Variants in ASPG observed in about 807,000 individuals in gnomAD.
ASPG encodes the protein asparaginase, also known as 60 kDa lysophospholipase.
A neutral mutation model predicts 63.2 loss-of-function variants in ASPG; 53 were observed. That is an observed-to-expected ratio of 0.84 (90% confidence interval 0.67 to 1.05). ASPG has a LOEUF of 1.05. Ranked by LOEUF, ASPG falls within the 50% of genes least tolerant of loss-of-function variation. ASPG has a pLI of 0.00. For missense variants in ASPG, 741 were observed against 794.4 expected, an observed-to-expected ratio of 0.93 and a Z score of 0.81; for synonymous variants, 370 against 355.0, an observed-to-expected ratio of 1.04 and a Z score of -0.48.
chr14:104,103,780 C>T (rs949613888), intron 7 of ASPG, 105 bp downstream of exon 7: 3 of 871,608 alleles, frequency 3.4e-6, no homozygotes, highest in African/African-American at 1.7e-5. Context: ...CAGTGCAGAC[C>T]CCGCGTGGAC....
chr14:104,097,815 A>G (rs990209153), intron 5 of ASPG, among the ~76,000 whole-genome samples, 178 bp downstream of exon 5: 3 of 151,116 alleles, frequency 2.0e-5, no homozygotes, highest in Admixed American at 1.3e-4. Flanking sequence ...TGGAAGTTCT[A>G]CGTTAGAGAT....
rs190223289 is a variant in ASPG, at chr14:104,102,600, C to G, written c.641-963C>G. Reference sequence around the variant, plus strand: ...CAGTGTGGTGGGAGTCCCCAGTGTCCAGCCCTGCTCTGCTGGAGGCTGCCA... The same window carrying G: ...CAGTGTGGTGGGAGTCCCCAGTGTCGAGCCCTGCTCTGCTGGAGGCTGCCA... On this transcript the variant is annotated intron_variant, in intron 6 of 15. Transcript: ENST00000551177. Among the ~76,000 whole-genome samples the G allele has an allele frequency of 2.5e-3, 384 of 152,336 alleles. 2 individuals are homozygous for G. Among genetic ancestry groups the G allele is most frequent in the African/African-American group, 9.0e-3 (375 of 41,588 alleles).
At chr14:104,106,995 C>CTAAG in intron 11 of ASPG, 101 bp downstream of exon 11, 1 of 1,344,488 alleles carries the variant, frequency 7.4e-7, no homozygotes, top group South Asian at 1.4e-5. Context: ...ACTGACCACA[C>CTAAG]TAAGCCCTTG....
In ASPG at chr14:104,091,454, C is replaced by T. The variant is rs1251017191; in HGVS notation, c.83-1179C>T. Among the ~76,000 whole-genome samples the T allele has an allele frequency of 6.6e-6, 1 of 152,162 alleles. No individual in the cohort carries two copies. Among genetic ancestry groups the T allele is most frequent in the Non-Finnish European group, 1.5e-5 (1 of 68,032 alleles). On this transcript the variant is annotated intron_variant, in intron 1 of 15. Coordinates refer to ENST00000551177, the MANE Select transcript of ASPG (RefSeq NM_001080464.3). This position sits in a 1 kb window ranked among gnomAD's most constrained non-coding sequence, Gnocchi z 6.4. Reference sequence around the variant, plus strand: ...GGTGATTTTGTCAGCGGCTGCACCTCAGCCGGCCTGCATCTTCCAGTCCTC... The same window carrying T: ...GGTGATTTTGTCAGCGGCTGCACCTTAGCCGGCCTGCATCTTCCAGTCCTC...
Position 104,085,719 on chromosome 14 carries a change from C to T in ASPG, c.-52C>T. ...CCGCGCAGTCCCTGAGTCCCGCAGGCCCTGCGTCCCCGCTGCACACCCCCG... is the reference window on the plus strand; with the variant it reads ...CCGCGCAGTCCCTGAGTCCCGCAGGTCCTGCGTCCCCGCTGCACACCCCCG... On this transcript the variant is annotated 5_prime_UTR_variant, in exon 1 of 16. Coordinates refer to ENST00000551177, the MANE Select transcript of ASPG (RefSeq NM_001080464.3). 2.1e-6 allele frequency: 3 copies of T among 1,454,464 alleles called. No homozygotes were observed. The South Asian group carries it at 4.0e-5, about 19-fold the overall frequency. The allele number at this position is 1,454,464 out of a possible 1,614,324, so 90.1% of individuals were successfully genotyped here. A position where few individuals can be genotyped will look rare whatever the true frequency, so the allele number is the denominator to read the frequency against.
intron 12 of ASPG, chr14:104,108,666 C>T: frequency 1.0e-6 from 1 of 985,478 alleles, no homozygotes; most frequent in Non-Finnish European, 1.2e-6. Context: ...TGTGCCTCTG[C>T]TCCTCCTTGC....
At position 104,097,699 on chromosome 14, in the gene ASPG, G is replaced by T. The variant is rs1049381510; in HGVS notation, c.513+62G>T. On this transcript the variant is annotated intron_variant, in intron 5 of 15. Coordinates refer to ENST00000551177, the MANE Select transcript of ASPG (RefSeq NM_001080464.3). ...GGTGGGGGCAGGAGCCCAGACAGCAGCCAGGAAACAAAGTCCCCCCAGCCC... is the reference window on the plus strand; with the variant it reads ...GGTGGGGGCAGGAGCCCAGACAGCATCCAGGAAACAAAGTCCCCCCAGCCC... 3 of 1,496,524 alleles carry T rather than the reference G, an allele frequency of 2.0e-6. No individual in the cohort carries two copies. The African/African-American group carries it at 4.2e-5, about 21-fold the overall frequency. 92.7% of individuals were successfully genotyped at this position (1,496,524 alleles called of 1,614,324 possible). A position where few individuals can be genotyped will look rare whatever the true frequency, so the allele number is the denominator to read the frequency against.
In ASPG at chr14:104,093,581, T is replaced by TCG. The variant is rs1334023797; in HGVS notation, c.282_283insCG (p.Cys95ArgfsTer75). ...GTGACATGACCATCGCTGAGTGGGT[T>TCG]TGCCTTGCCCAGACCATCAAGGTAG... On this transcript the variant is annotated frameshift_variant, in exon 3 of 16. Coordinates refer to ENST00000551177, the MANE Select transcript of ASPG (RefSeq NM_001080464.3). LOFTEE classifies it high-confidence loss of function. The TCG allele has an allele frequency of 6.2e-7, 1 of 1,610,354 alleles. No homozygotes were observed. Among genetic ancestry groups the TCG allele is most frequent in the Non-Finnish European group, 8.5e-7 (1 of 1,178,538 alleles).
At chr14:104,104,566 A>ACGGGC in intron 8 of ASPG, 56 bp from the exon 9 acceptor site, 1 of 1,585,692 alleles carries the variant, frequency 6.3e-7, no homozygotes, top group Non-Finnish European at 8.6e-7. Flanking sequence ...CCCACCCCTC[A>ACGGGC]TGGGCTGGGG....
chr14:104,088,277 T>C (rs2036272927), intron 1 of ASPG, among the ~76,000 whole-genome samples: 3 of 152,186 alleles, frequency 2.0e-5, no homozygotes, highest in Non-Finnish European at 2.9e-5. Context: ...AACAGTGACC[T>C]GTGGGTGGAA....
intron 6 of ASPG, among the ~76,000 whole-genome samples, chr14:104,101,138 C>T (rs1566833406): frequency 1.3e-5 from 2 of 152,142 alleles, no homozygotes; most frequent in Non-Finnish European, 1.5e-5. Context: ...GCCCCCCACC[C>T]CTGAGTGTTT....
At position 104,106,903 on chromosome 14, in the gene ASPG, C is replaced by A; in HGVS notation, c.1269+9C>A. 1 of 1,564,492 alleles carries A rather than the reference C, an allele frequency of 6.4e-7. No individual in the cohort carries two copies. On this transcript the variant is annotated intron_variant, in intron 11 of 15. Transcript: ENST00000551177. Reference sequence around the variant, plus strand: ...AGGCGCTTGTGGAGCTGGTGAGCCTCCCCCACCCTGGGGGCCCAGCCCCAG... The same window carrying A: ...AGGCGCTTGTGGAGCTGGTGAGCCTACCCCACCCTGGGGGCCCAGCCCCAG...
chr14:104,106,858 C>A lies in ASPG; in HGVS notation c.1233C>A (p.Ala411=), dbSNP rs371626868. ...VPSLACAAAH[A]GDVEALQALV... ...GCCTGGCCTGTGCTGCTGCCCACGC[C>A]GGTGACGTGGAGGCGCTGCAGGCGC... The change falls in exon 11 of 16, where the codon GCC becomes GCA. Residue 411 remains alanine, a synonymous_variant. Coordinates refer to ENST00000551177, the MANE Select transcript of ASPG (RefSeq NM_001080464.3). The A allele has an allele frequency of 1.3e-6, 2 of 1,597,336 alleles. No individual in the cohort carries two copies. The highest frequency in any genetic ancestry group is 1.1e-5 in the South Asian group (1 of 87,998).
At chr14:104,111,041 C>T (rs372160700) in intron 13 of ASPG, 1 of 985,482 alleles carries the variant, frequency 1.0e-6, no homozygotes, top group South Asian at 4.7e-5. Context: ...ACTTTCCTTC[C>T]ACCTTTGCGG....
intron 11 of ASPG, 118 bp from the exon 12 acceptor site, chr14:104,107,064 G>A: frequency 7.2e-7 from 1 of 1,387,480 alleles, no homozygotes; most frequent in Non-Finnish European, 9.7e-7. Context: ...CTGAGGCTTT[G>A]AGGGTGGGCG....
chr14:104,114,163 C>T lies in ASPG; in HGVS notation c.*1619C>T, dbSNP rs2037435310. On this transcript the variant is annotated 3_prime_UTR_variant, in exon 16 of 16. Transcript: ENST00000551177. ...CGGGTTGTGAAAGCTGCAGGTGGCT[C>T]ACGTTAGCCCACATGGCAGCACCCT... 6.6e-6 allele frequency: 1 copy of T among 152,330 alleles called. No homozygotes were observed. Among genetic ancestry groups the T allele is most frequent in the Non-Finnish European group, 1.5e-5 (1 of 68,102 alleles). 9.4% of individuals were successfully genotyped at this position (152,330 alleles called of 1,614,324 possible). A position where few individuals can be genotyped will look rare whatever the true frequency, so the allele number is the denominator to read the frequency against.
chr14:104,111,350 A>C (rs1446012654), intron 13 of ASPG, among the ~76,000 whole-genome samples, 152 bp from the exon 14 acceptor site: 1 of 152,106 alleles, frequency 6.6e-6, no homozygotes, highest in Admixed American at 6.5e-5. Context: ...GATGGCCCCC[A>C]GTGACTCCTG....
chr14:104,111,787 G>A (rs1044585165), intron 14 of ASPG, 133 bp from the exon 15 acceptor site: 33 of 1,008,002 alleles, frequency 3.3e-5, no homozygotes, highest in Middle Eastern at 5.7e-4. Flanking sequence ...TGGGGGTGAC[G>A]AGAGTGGAGG....
At chr14:104,094,567 C>G (rs1205070551) in intron 3 of ASPG, among the ~76,000 whole-genome samples, 1 of 152,178 alleles carries the variant, frequency 6.6e-6, no homozygotes, top group African/African-American at 2.4e-5. Context: ...CAATTCTCAC[C>G]TGCTTCCCTT....
Sources: gnomAD v4.1 joint callset for allele counts (sites outside exome capture counted in the v4.1 genomes callset) on GRCh38, gnomAD v4.1.1 for gene constraint, Gnocchi (gnomAD v3.1) non-coding constraint, MANE v1.5 for transcripts, NCBI Gene and HGNC (gene_info 2026-07-23, HGNC 2026-07-21) for gene names.